The following DNAJB14 variants were observed in gnomAD, a reference collection of about 807,000 sequenced individuals.
The protein encoded by DNAJB14 is DnaJ heat shock protein family (Hsp40) member B14.
A neutral mutation model predicts 48.4 loss-of-function variants in DNAJB14; 22 were observed. The observed-to-expected ratio is 0.45, with a 90% CI of 0.32 to 0.65. The LOEUF is 0.65. Among genes scored for constraint, DNAJB14 ranks in the 30% least tolerant of loss-of-function variants. DNAJB14 has a pLI of 0.03. For missense variants in DNAJB14, 319 were observed against 458.8 expected (o/e 0.70, Z 2.78); for synonymous variants, 142 against 158.7 (o/e 0.89, Z 0.79).
At chr4:99,912,735 T>TC (rs1459792677) in intron 3 of DNAJB14, among the ~76,000 whole-genome samples, 1 of 152,176 alleles carries the variant, frequency 6.6e-6, no homozygotes, top group African/African-American at 2.4e-5. Context: ...CACCTCGGCC[T>TC]CCCAAAGTGC....
intron 4 of DNAJB14, among the ~76,000 whole-genome samples, chr4:99,906,814 C>T (rs151012033): frequency 1.3e-5 from 2 of 152,166 alleles, no homozygotes; most frequent in Non-Finnish European, 2.9e-5. Flanking sequence ...GCTTCCGTTA[C>T]AGGTAGAAGT....
intron 5 of DNAJB14, chr4:99,906,197 C>A (rs1484261089): frequency 6.7e-6 from 9 of 1,338,132 alleles, no homozygotes; most frequent in Non-Finnish European, 8.8e-6. Context: ...AGGAAAGTTA[C>A]CTCCAATTCA....
chr4:99,897,731 C>A lies in DNAJB14; in HGVS notation c.*3297G>T, dbSNP rs1725177329. On this transcript the variant is annotated 3_prime_UTR_variant, in exon 8 of 8. Transcript: ENST00000442697. Reference sequence around the variant, plus strand: ...TTATTGTTGATTTTCATTAGTTTTTCTGTTCAGATAAGAAAAAAGATTATG... The same window carrying A: ...TTATTGTTGATTTTCATTAGTTTTTATGTTCAGATAAGAAAAAAGATTATG... 6.6e-6 allele frequency: 1 copy of A among 151,950 alleles called. No homozygotes were observed. Among genetic ancestry groups the A allele is most frequent in the African/African-American group, 2.4e-5 (1 of 41,430 alleles). 9.4% of individuals were successfully genotyped at this position (151,950 alleles called of 1,614,324 possible).
chr4:99,934,735 T>C (rs1224284144), intron 1 of DNAJB14, among the ~76,000 whole-genome samples: 1 of 121,600 alleles, frequency 8.2e-6, no homozygotes, highest in African/African-American at 3.3e-5. Context: ...GAGGTTGCAA[T>C]GAGCTGAGAT....
At chr4:99,941,303 G>C (rs1039524302) in intron 1 of DNAJB14, among the ~76,000 whole-genome samples, 11 of 152,114 alleles carry the variant, frequency 7.2e-5, no homozygotes, top group African/African-American at 2.7e-4. Context: ...AACTAAGCAT[G>C]GAATGAGTAG....
At chr4:99,923,506 CAATAAT>C (rs758329226) in intron 2 of DNAJB14, among the ~76,000 whole-genome samples, 1 of 151,964 alleles carries the variant, frequency 6.6e-6, no homozygotes, top group African/African-American at 2.4e-5. Context: ...TAAAATGAGA[CAATAAT>C]AATAATTTTT....
intron 3 of DNAJB14, among the ~76,000 whole-genome samples, chr4:99,922,164 T>A (rs1726084899): frequency 6.6e-6 from 1 of 152,202 alleles, no homozygotes; most frequent in Non-Finnish European, 1.5e-5. Context: ...CCAAATGTAT[T>A]TTCCTTGGCA....
Position 99,924,687 on chromosome 4 carries a change from T to A in DNAJB14, c.306-1502A>T. On this transcript the variant is annotated intron_variant, in intron 2 of 7. Coordinates refer to ENST00000442697, the MANE Select transcript of DNAJB14 (RefSeq NM_001031723.4). Reference sequence around the variant, plus strand: ...AGAATGATCCCACCTGTGTAGAGACTCATTCTCCTAGAAATGTTTAGAAGC... The same window carrying A: ...AGAATGATCCCACCTGTGTAGAGACACATTCTCCTAGAAATGTTTAGAAGC... The A allele has an allele frequency of 3.1e-6, 5 of 1,592,686 alleles. No individual in the cohort carries two copies. The South Asian group carries it at 5.6e-5, about 18-fold the overall frequency.
At chr4:99,914,549 C>T (rs148684690) in intron 3 of DNAJB14, among the ~76,000 whole-genome samples, 3 of 151,822 alleles carry the variant, frequency 2.0e-5, no homozygotes, top group East Asian at 1.9e-4. Context: ...ATGTAAATGA[C>T]GAGTTAACGG....
chr4:99,900,000 G>A lies in DNAJB14; in HGVS notation c.*1028C>T, dbSNP rs1336736140. The stretch of plus-strand genomic sequence containing the variant: ...AACAGATCATGCTCTGATCAGATAA[G>A]TATACTGTAATCTACTTATATGTTT... On this transcript the variant is annotated 3_prime_UTR_variant, in exon 8 of 8. Coordinates refer to ENST00000442697, the MANE Select transcript of DNAJB14 (RefSeq NM_001031723.4). The A allele has an allele frequency of 6.6e-6, 1 of 152,350 alleles. No homozygotes were observed. The highest frequency in any genetic ancestry group is 2.4e-5 in the African/African-American group (1 of 41,418). The allele number at this position is 152,350 out of a possible 1,614,324, so 9.4% of individuals were successfully genotyped here. A position where few individuals can be genotyped will look rare whatever the true frequency, so the allele number is the denominator to read the frequency against.
chr4:99,928,558 C>A (rs527368226), intron 2 of DNAJB14: 4 of 443,438 alleles, frequency 9.0e-6, no homozygotes, highest in African/African-American at 8.0e-5. Context: ...AAAGAGGCAT[C>A]AATGCTCTTC....
At chr4:99,929,551 C>A (rs1207737531) in intron 2 of DNAJB14, 2 of 151,896 alleles carry the variant, frequency 1.3e-5, no homozygotes, top group African/African-American at 2.4e-5. Context: ...ATAAATAAAA[C>A]CTGTATCTCA....
At chr4:99,923,980 C>T (rs949667306) in intron 2 of DNAJB14, 23 of 546,876 alleles carry the variant, frequency 4.2e-5, no homozygotes, top group Admixed American at 6.4e-5. Flanking sequence ...TATATACATA[C>T]AGTTTGTACC....
At position 99,921,736 on chromosome 4, in the gene DNAJB14, T is replaced by C. The variant is rs184419368; in HGVS notation, c.451+1304A>G. Among the ~76,000 whole-genome samples the C allele has an allele frequency of 6.6e-5, 10 of 152,316 alleles. No homozygotes were observed. In the East Asian group the frequency reaches 1.9e-3, roughly 29 times the overall value. ...ATTTAAAGATTTCAGTTACTTTTTCTGGTAACTCTGTGACTGCATACATTA... is the reference window on the plus strand; with the variant it reads ...ATTTAAAGATTTCAGTTACTTTTTCCGGTAACTCTGTGACTGCATACATTA... On this transcript the variant is annotated intron_variant, in intron 3 of 7. Coordinates refer to ENST00000442697, the MANE Select transcript of DNAJB14 (RefSeq NM_001031723.4).
intron 3 of DNAJB14, among the ~76,000 whole-genome samples, chr4:99,921,255 C>T (rs1336494759): frequency 6.6e-6 from 1 of 152,128 alleles, no homozygotes; most frequent in East Asian, 1.9e-4. Context: ...AACAATGTAT[C>T]CTCTCCTCAG....
intron 1 of DNAJB14, among the ~76,000 whole-genome samples, chr4:99,933,225 AAAGT>A (rs534987543): frequency 2.0e-5 from 3 of 152,050 alleles, no homozygotes; most frequent in Admixed American, 6.6e-5. Flanking sequence ...ATGTCTCAAT[AAAGT>A]ATGTATATAT....
At chr4:99,934,969 C>A in intron 1 of DNAJB14, among the ~76,000 whole-genome samples, 1 of 149,554 alleles carries the variant, frequency 6.7e-6, no homozygotes, top group Non-Finnish European at 1.5e-5. Flanking sequence ...AGAAAATATA[C>A]CAGAAGGAAA....
At chr4:99,945,472 G>C (rs76881930) in intron 1 of DNAJB14, among the ~76,000 whole-genome samples, 6,918 of 152,278 alleles carry the variant, frequency 0.045, 229 homozygotes, top group Middle Eastern at 0.12. Context: ...CAGTGTAGCG[G>C]TTAAAGGCCT....
At chr4:99,934,550 T>C (rs924431991) in intron 1 of DNAJB14, among the ~76,000 whole-genome samples, 22 of 151,846 alleles carry the variant, frequency 1.4e-4, no homozygotes, top group African/African-American at 5.1e-4. Flanking sequence ...TCCCAGCACT[T>C]TGGGAGGCTG....
Sources: allele counts gnomAD v4.1 joint callset (sites outside exome capture counted in the v4.1 genomes callset), GRCh38; gene constraint gnomAD v4.1.1; transcripts MANE v1.5; gene names NCBI Gene and HGNC (gene_info 2026-07-23, HGNC 2026-07-21).